The following CCSER1 variants were observed in gnomAD, a reference collection of about 807,000 sequenced individuals.
CCSER1 encodes coiled-coil serine rich protein 1.
Under a neutral mutation model 82.0 loss-of-function variants are expected in CCSER1, and 41 were observed. The observed-to-expected ratio is 0.50, with a 90% confidence interval of 0.39 to 0.65. CCSER1 has a LOEUF of 0.65. Among genes scored for constraint, CCSER1 ranks in the 30% least tolerant of loss-of-function variants. The probability of loss-of-function intolerance (pLI) is 0.00; values close to 1 mark genes in which losing one functional copy is unlikely to be tolerated. For synonymous variants in CCSER1, 414 were observed against 383.9 expected (o/e 1.08, Z -0.92); for missense variants, 1,119 against 1,064.2 (o/e 1.05, Z -0.72).
intron 10 of CCSER1, among the ~76,000 whole-genome samples, chr4:91,129,402 G>A (rs994852011): frequency 2.0e-5 from 3 of 151,982 alleles, no homozygotes; most frequent in African/African-American, 4.8e-5. Flanking sequence ...AGAAGTTGGG[G>A]AAAGAGCTAG....
chr4:91,168,267 AG>A, intron 10 of CCSER1, among the ~76,000 whole-genome samples: 1 of 121,304 alleles, frequency 8.2e-6, no homozygotes, highest in African/African-American at 3.3e-5. Context: ...TCATCTGGGA[AG>A]TGAGGAGCGC....
intron 1 of CCSER1, among the ~76,000 whole-genome samples, chr4:90,232,152 C>T (rs570029407): frequency 6.4e-4 from 97 of 152,238 alleles, no homozygotes; most frequent in Non-Finnish European, 1.2e-3. Flanking sequence ...CAAAAAAGAG[C>T]CCACATCGCC....
chr4:90,629,530 G>T (rs1350791396), intron 6 of CCSER1, among the ~76,000 whole-genome samples: 1 of 152,112 alleles, frequency 6.6e-6, no homozygotes, highest in Non-Finnish European at 1.5e-5. Flanking sequence ...TGTATGTGGG[G>T]AACTGCCCCC....
chr4:90,316,891 A>T (rs1023687490), intron 3 of CCSER1, among the ~76,000 whole-genome samples: 1 of 152,210 alleles, frequency 6.6e-6, no homozygotes, highest in African/African-American at 2.4e-5. Context: ...TAGGTTTATT[A>T]AAGGAATCCA....
intron 10 of CCSER1, among the ~76,000 whole-genome samples, chr4:91,464,179 A>G (rs973576490): frequency 1.1e-4 from 16 of 147,744 alleles, no homozygotes; most frequent in African/African-American, 3.8e-4. Context: ...TACAAGCCAG[A>G]AGAGAGTGGG....
chr4:90,643,430 T>C (rs1322818428), intron 6 of CCSER1, among the ~76,000 whole-genome samples: 1 of 152,180 alleles, frequency 6.6e-6, no homozygotes, highest in Non-Finnish European at 1.5e-5. Context: ...ATTGGAGCAT[T>C]AGTTTTAGGA....
intron 6 of CCSER1, among the ~76,000 whole-genome samples, chr4:90,634,024 T>C (rs1010158133): frequency 4.0e-5 from 6 of 151,754 alleles, no homozygotes; most frequent in Non-Finnish European, 7.4e-5. Flanking sequence ...GGAAGAGAAC[T>C]CTATCATTTT....
chr4:90,675,407 G>A lies in CCSER1; in HGVS notation c.1932+47175G>A, dbSNP rs867829115. The stretch of plus-strand genomic sequence containing the variant: ...ACTATATGTCTAGTAAATGTGTATT[G>A]TACAGCTAGTTATAGCTGAGTTTAT... On this transcript the variant is annotated intron_variant, in intron 6 of 10. Transcript: ENST00000509176. Among the ~76,000 whole-genome samples, 18 of 151,962 alleles carry A rather than the reference G, an allele frequency of 1.2e-4. No individual in the cohort carries two copies. In the Middle Eastern group the frequency reaches 0.017, roughly 145 times the overall value.
intron 9 of CCSER1, 88 bp from the exon 10 acceptor site, chr4:91,085,862 T>A (rs1026059739): frequency 8.1e-5 from 63 of 781,658 alleles, no homozygotes; most frequent in Non-Finnish European, 1.2e-4. Flanking sequence ...AGTGAATTAT[T>A]TCCTTTATTT....
chr4:90,800,539 A>G (rs1373827269), intron 7 of CCSER1, among the ~76,000 whole-genome samples: 1 of 152,218 alleles, frequency 6.6e-6, no homozygotes, highest in African/African-American at 2.4e-5. Flanking sequence ...TGCTGGAATC[A>G]AGAGACTCTC....
intron 10 of CCSER1, among the ~76,000 whole-genome samples, chr4:91,558,914 C>A (rs1266484482): frequency 2.0e-5 from 3 of 151,480 alleles, no homozygotes; most frequent in Admixed American, 1.3e-4. Flanking sequence ...TTTCAAATAG[C>A]AATTTCTAAT....
At position 90,753,303 on chromosome 4, in the gene CCSER1, C is replaced by A. The variant is rs1306579255; in HGVS notation, c.2010+29312C>A. On this transcript the variant is annotated intron_variant, in intron 7 of 10. Coordinates refer to ENST00000509176, the MANE Select transcript of CCSER1 (RefSeq NM_001145065.2). ...GGAGAATGCATATCCTGCCTTTAGG[C>A]AGAAACAAACAGAAGGTATGGAGAG... is the stretch of plus-strand genomic sequence containing the variant. Among the ~76,000 whole-genome samples the A allele has an allele frequency of 7.2e-5, 11 of 152,126 alleles. No individual in the cohort carries two copies. In the East Asian group the frequency reaches 2.1e-3, roughly 29 times the overall value.
intron 10 of CCSER1, among the ~76,000 whole-genome samples, chr4:91,224,161 T>G (rs986568122): frequency 2.0e-5 from 3 of 152,004 alleles, no homozygotes; most frequent in African/African-American, 7.2e-5. Flanking sequence ...AAACCTTACT[T>G]GGCTTAGAAA....
intron 3 of CCSER1, among the ~76,000 whole-genome samples, chr4:90,342,988 G>C (rs1321556092): frequency 6.6e-6 from 1 of 151,826 alleles, no homozygotes; most frequent in Admixed American, 6.6e-5. Context: ...TATTGATTCT[G>C]GGTGCCTCTC....
chr4:90,366,138 G>A (rs1380794272), intron 3 of CCSER1, among the ~76,000 whole-genome samples: 2 of 151,762 alleles, frequency 1.3e-5, no homozygotes, highest in Non-Finnish European at 3.0e-5. Flanking sequence ...TAAAATAATA[G>A]CAATAGCATA....
In CCSER1 at chr4:91,507,847, A is replaced by G. The variant is rs543496727; in HGVS notation, c.2218-90725A>G. Among the ~76,000 whole-genome samples, 84 of 151,786 alleles carry G rather than the reference A, an allele frequency of 5.5e-4. 1 individual carries two copies. Among genetic ancestry groups the G allele is most frequent in the African/African-American group, 2.0e-3 (84 of 41,460 alleles). On this transcript the variant is annotated intron_variant, in intron 10 of 10. Coordinates refer to ENST00000509176, the MANE Select transcript of CCSER1 (RefSeq NM_001145065.2). ...TTCAAGATTATGAAGGCATTCTTTT[A>G]TTGTGTTTTCCAATTTCATTTTTAG...
chr4:90,347,935 A>G (rs1423829238), intron 3 of CCSER1, among the ~76,000 whole-genome samples: 1 of 152,214 alleles, frequency 6.6e-6, no homozygotes, highest in Non-Finnish European at 1.5e-5. Context: ...TTATGCAGCC[A>G]TAAAAAAGAA....
chr4:91,297,443 T>A (rs970382736), intron 10 of CCSER1, among the ~76,000 whole-genome samples: 17 of 145,128 alleles, frequency 1.2e-4, no homozygotes, highest in African/African-American at 4.4e-4. Flanking sequence ...CAGATGTGGA[T>A]AAGGAGGGAG....
intron 4 of CCSER1, among the ~76,000 whole-genome samples, chr4:90,449,709 C>T (rs1434897781): frequency 1.3e-5 from 2 of 152,232 alleles, no homozygotes; most frequent in African/African-American, 4.8e-5. Flanking sequence ...GGCTTGGCAA[C>T]AACTTTGCTC....
Sources: allele counts gnomAD v4.1 joint callset (sites outside exome capture counted in the v4.1 genomes callset), GRCh38; gene constraint gnomAD v4.1.1; transcripts MANE v1.5; gene names NCBI Gene and HGNC (gene_info 2026-07-23, HGNC 2026-07-21).